The following ZNF285 variants were observed in gnomAD, a reference collection of about 807,000 sequenced individuals.
The protein encoded by ZNF285 is zinc finger protein 285, also known as zinc finger protein 285A.
In ZNF285, 4 loss-of-function variants were observed where a neutral mutation model predicts 6.2. That is an observed-to-expected ratio of 0.65 (90% confidence interval 0.32 to 1.49). The LOEUF (loss-of-function observed/expected upper bound fraction) is 1.49, where lower values mean the gene tolerates loss of function less well. Ranked by LOEUF, ZNF285 falls within the 40% of genes most tolerant of loss-of-function variation. ZNF285 has a pLI of 0.07. For missense variants in ZNF285, 695 were observed against 708.8 expected (o/e 0.98, Z 0.22); for synonymous variants, 240 against 245.8 (o/e 0.98, Z 0.22).
intron 1 of ZNF285, among the ~76,000 whole-genome samples, chr19:44,398,383 A>G (rs1347365615): frequency 1.3e-5 from 2 of 152,118 alleles, no homozygotes; most frequent in Non-Finnish European, 2.9e-5. Context: ...AAAGCCAGCA[A>G]GAGATCCAGG....
intron 1 of ZNF285, among the ~76,000 whole-genome samples, chr19:44,397,745 G>A (rs1030945267): frequency 6.6e-6 from 1 of 152,078 alleles, no homozygotes; most frequent in African/African-American, 2.4e-5. Context: ...TTAGCTGGGT[G>A]TGGTGGCGGA....
In ZNF285 at chr19:44,388,013, T is replaced by C. The variant is rs150316918; in HGVS notation, c.232A>G (p.Lys78Glu). 204 of 1,614,044 alleles carry C rather than the reference T, an allele frequency of 1.3e-4. No individual in the cohort carries two copies. The highest frequency in any genetic ancestry group is 1.6e-4 in the Non-Finnish European group (194 of 1,180,022). The change falls in exon 4 of 4, where the codon AAA (lysine) becomes GAA (glutamate). Residue 78 changes from lysine to glutamate, a missense_variant. By Grantham distance (56) the Lys-to-Glu change is moderately conservative. Coordinates refer to ENST00000614994, the MANE Select transcript of ZNF285 (RefSeq NM_152354.6). The part of the protein sequence containing the change: ...QEVLHCWQIW[K>E]QRIRDLTVSQ... The stretch of plus-strand genomic sequence containing the variant: ...ACAGTTAAATCCCGGATCCTTTGTT[T>C]CCAAATCTGCCAGCAATGAAGCACT...
intron 2 of ZNF285, chr19:44,396,931 CG>C: frequency 2.3e-6 from 1 of 437,402 alleles, no homozygotes; most frequent in Admixed American, 3.6e-5. Flanking sequence ...TTTCCCTCAT[CG>C]GGCAGTGATA....
chr19:44,397,594 C>T (rs1234614016), intron 1 of ZNF285, among the ~76,000 whole-genome samples: 1 of 152,106 alleles, frequency 6.6e-6, no homozygotes, highest in Non-Finnish European at 1.5e-5. Context: ...AATAAGGGAG[C>T]AATCTCAGGG....
chr19:44,393,772 G>C (rs1367293598), intron 2 of ZNF285, among the ~76,000 whole-genome samples: 2 of 152,136 alleles, frequency 1.3e-5, no homozygotes, highest in African/African-American at 4.8e-5. Flanking sequence ...AGGTGCTGGA[G>C]AGGATGTGGA....
intron 2 of ZNF285, among the ~76,000 whole-genome samples, chr19:44,394,720 G>C (rs1200837322): frequency 1.3e-5 from 2 of 152,136 alleles, no homozygotes; most frequent in East Asian, 3.9e-4. Flanking sequence ...TAAAGCAGAG[G>C]TTTCAAACAA....
chr19:44,386,707 T>G lies in ZNF285; in HGVS notation c.1538A>C (p.Lys513Thr). ...GAAGCCTTTACCACACTCATCACATTTATATGGTTTCTCTCTGATGTGATC... is the reference window on the plus strand; with the variant it reads ...GAAGCCTTTACCACACTCATCACATGTATATGGTTTCTCTCTGATGTGATC... ...QRDHIREKPY[K>T]CDECGKGFSR... The change falls in exon 4 of 4, where the codon AAA becomes ACA. Residue 513 changes from lysine (K) to threonine (T), a missense_variant. By Grantham distance (78) the Lys-to-Thr change is moderately conservative (BLOSUM62 -1). Coordinates refer to ENST00000614994, the MANE Select transcript of ZNF285 (RefSeq NM_152354.6). The G allele has an allele frequency of 3.7e-6, 6 of 1,614,176 alleles. No individual in the cohort carries two copies. The highest frequency in any genetic ancestry group is 4.2e-6 in the Non-Finnish European group (5 of 1,180,006).
chr19:44,386,180 G>A lies in ZNF285; in HGVS notation c.*292C>T, dbSNP rs1377483941. On this transcript the variant is annotated 3_prime_UTR_variant, in exon 4 of 4. Coordinates refer to ENST00000614994, the MANE Select transcript of ZNF285 (RefSeq NM_152354.6). ...CATCCCAATTAGAATTTCCTTCCTGGACACACCCTTTAATGGAAATTTGAC... is the reference window on the plus strand; with the variant it reads ...CATCCCAATTAGAATTTCCTTCCTGAACACACCCTTTAATGGAAATTTGAC... The A allele has an allele frequency of 3.2e-6, 1 of 310,308 alleles. No individual in the cohort carries two copies. The highest frequency in any genetic ancestry group is 2.1e-5 in the African/African-American group (1 of 47,646). The allele number at this position is 310,308 out of a possible 1,614,324, so 19.2% of individuals were successfully genotyped here. A position where few individuals can be genotyped will look rare whatever the true frequency, so the allele number is the denominator to read the frequency against.
At chr19:44,390,153 A>C (rs1246311386) in intron 3 of ZNF285, among the ~76,000 whole-genome samples, 1 of 152,058 alleles carries the variant, frequency 6.6e-6, no homozygotes, top group Non-Finnish European at 1.5e-5. Flanking sequence ...CTGTGAGAAG[A>C]GGGCCACTGT....
chr19:44,387,703 T>C lies in ZNF285; in HGVS notation c.542A>G (p.His181Arg), dbSNP rs1370568669. The stretch of plus-strand genomic sequence containing the variant: ...TGAGGTCCAACTGAGGCTGTCATCA[T>C]GCTGAGCACGTCTGTACAATTTCTC... Reference protein sequence around the residue: ...MEEKLYRRAQHDDSLSWTSCD... With the variant: ...MEEKLYRRAQRDDSLSWTSCD... The change falls in exon 4 of 4, where the codon CAT becomes CGT. Residue 181 changes from histidine (H) to arginine (R), a missense_variant. Transcript: ENST00000614994. 1.6e-5 allele frequency: 26 copies of C among 1,613,814 alleles called. No individual in the cohort carries two copies. Among genetic ancestry groups the C allele is most frequent in the Non-Finnish European group, 2.1e-5 (25 of 1,179,864 alleles).
intron 3 of ZNF285, among the ~76,000 whole-genome samples, chr19:44,390,042 T>C (rs1447205775): frequency 6.6e-6 from 1 of 152,172 alleles, no homozygotes; most frequent in East Asian, 1.9e-4. Flanking sequence ...ACAAATCTCT[T>C]CTTGAATTGT....
Position 44,383,001 on chromosome 19 carries a change from A to G in ZNF285, c.*3471T>C, listed in dbSNP as rs1421034303. ...GGAACTCCCAGAATTACCTTTGGAC[A>G]ATTCTGGTCATTGCACACAATTGTT... On this transcript the variant is annotated 3_prime_UTR_variant, in exon 4 of 4. Transcript: ENST00000614994. 6.6e-6 allele frequency: 1 copy of G among 152,178 alleles called. No individual in the cohort carries two copies. Among genetic ancestry groups the G allele is most frequent in the African/African-American group, 2.4e-5 (1 of 41,444 alleles). The allele number at this position is 152,178 out of a possible 1,614,324, so 9.4% of individuals were successfully genotyped here.
chr19:44,393,416 C>A (rs73039969), intron 2 of ZNF285, among the ~76,000 whole-genome samples: 3,891 of 152,186 alleles, frequency 0.026, 97 homozygotes, highest in African/African-American at 0.064. Flanking sequence ...CTTTTGGCAG[C>A]ACAAATGTCT....
chr19:44,394,668 T>C (rs2123281456), intron 2 of ZNF285: 4 of 412,224 alleles, frequency 9.7e-6, no homozygotes, highest in South Asian at 1.6e-4. Flanking sequence ...CAGAGTTAAG[T>C]ATTTACAGAT....
chr19:44,394,903 ATTG>A (rs1971255239), intron 2 of ZNF285, among the ~76,000 whole-genome samples: 1 of 152,184 alleles, frequency 6.6e-6, no homozygotes, highest in Admixed American at 6.5e-5. Flanking sequence ...AGGCAACAAA[ATTG>A]AATTGGAGAT....
rs1314609737 is a variant in ZNF285, at chr19:44,384,529, A to T, written c.*1943T>A. 6.6e-6 allele frequency: 1 copy of T among 152,222 alleles called. No homozygotes were observed. The highest frequency in any genetic ancestry group is 1.5e-5 in the Non-Finnish European group (1 of 68,032). The allele number at this position is 152,222 out of a possible 1,614,324, so 9.4% of individuals were successfully genotyped here. On this transcript the variant is annotated 3_prime_UTR_variant, in exon 4 of 4. Transcript: ENST00000614994. ...TATCCACCTGATCAGTAAGAAAATG[A>T]CACTTCAGGGATGGTTTTATTTGCA... is the stretch of plus-strand genomic sequence containing the variant.
At position 44,386,378 on chromosome 19, in the gene ZNF285, T is replaced by G; in HGVS notation, c.*94A>C. The G allele has an allele frequency of 7.4e-7, 1 of 1,345,224 alleles. No homozygotes were observed. Among genetic ancestry groups the G allele is most frequent in the Non-Finnish European group, 1.0e-6 (1 of 994,930 alleles). 83.3% of individuals were successfully genotyped at this position (1,345,224 alleles called of 1,614,324 possible). A position where few individuals can be genotyped will look rare whatever the true frequency, so the allele number is the denominator to read the frequency against. ...TATCGATGGCAGTGTCCCTGTCTTTTGCTCCCCTAGCCCTCCCACAGGCTG... is the reference window on the plus strand; with the variant it reads ...TATCGATGGCAGTGTCCCTGTCTTTGGCTCCCCTAGCCCTCCCACAGGCTG... On this transcript the variant is annotated 3_prime_UTR_variant, in exon 4 of 4. Transcript: ENST00000614994.
chr19:44,384,948 G>T lies in ZNF285; in HGVS notation c.*1524C>A, dbSNP rs2123253458. ...GGAGTTCAAGGCTTCAGCGAGCAAT[G>T]ATCAGGCCACTGCACTCCAGCCACC... On this transcript the variant is annotated 3_prime_UTR_variant, in exon 4 of 4. Transcript: ENST00000614994. The T allele has an allele frequency of 7.5e-6, 1 of 132,864 alleles. No homozygotes were observed. The highest frequency in any genetic ancestry group is 2.5e-4 in the South Asian group (1 of 4,062). The allele number at this position is 132,864 out of a possible 1,614,324, so 8.2% of individuals were successfully genotyped here.
At chr19:44,400,499 A>G (rs1173404551) in intron 1 of ZNF285, among the ~76,000 whole-genome samples, 1 of 152,186 alleles carries the variant, frequency 6.6e-6, no homozygotes, top group Non-Finnish European at 1.5e-5. Context: ...AATGTGCTTT[A>G]TAATACTCAA....
Sources: allele counts gnomAD v4.1 joint callset (sites outside exome capture counted in the v4.1 genomes callset), GRCh38; gene constraint gnomAD v4.1.1; transcripts MANE v1.5; gene names NCBI Gene and HGNC (gene_info 2026-07-23, HGNC 2026-07-21).